Variants in SCGB2B2 observed in about 807,000 individuals in gnomAD.
SCGB2B2 encodes the protein secretoglobin-like protein.
SCGB2B2 carries 11 observed loss-of-function variants against 7.6 expected under a neutral mutation model. The observed-to-expected ratio is 1.45, with a 90% confidence interval of 0.91 to 2.40. The LOEUF is 2.40. SCGB2B2 is among the 30% of genes most tolerant of loss of function. The probability of loss-of-function intolerance (pLI) is 0.00; values close to 1 mark genes in which losing one functional copy is unlikely to be tolerated. For synonymous variants in SCGB2B2, 50 were observed against 48.6 expected (o/e 1.03, Z -0.12); for missense variants, 104 against 115.4 (o/e 0.90, Z 0.45).
rs1451690421 is a variant in SCGB2B2 at position 34,595,767 on chromosome 19, C to T, written c.-1204G>A. The T allele has an allele frequency of 6.6e-6, 1 of 152,278 alleles. No individual in the cohort carries two copies. Among genetic ancestry groups the T allele is most frequent in the Non-Finnish European group, 1.5e-5 (1 of 68,076 alleles). 9.4% of individuals were successfully genotyped at this position (152,278 alleles called of 1,614,324 possible). ...CACTCACGTGATTTTTGTCTCCTGA[C>T]AGGACCCTAAATTGTAAGTGTGACC... On this transcript the variant is annotated 5_prime_UTR_variant, in exon 2 of 4. Coordinates refer to ENST00000601241, the MANE Select transcript of SCGB2B2 (RefSeq NM_001025591.4).
intron 1 of SCGB2B2, among the ~76,000 whole-genome samples, chr19:34,634,053 A>G (rs1023941348): frequency 1.3e-5 from 2 of 152,178 alleles, no homozygotes; most frequent in African/African-American, 4.8e-5. Flanking sequence ...CAGCCTCAGC[A>G]ATCCAGAACA....
chr19:34,611,653 AT>A (rs34569420), intron 1 of SCGB2B2, among the ~76,000 whole-genome samples: 128,098 of 136,946 alleles, frequency 0.94, 60,113 homozygotes, highest in Non-Finnish European at 0.98. Flanking sequence ...AAAATTTACT[AT>A]TTTTTTTTTT....
At chr19:34,618,557 G>GT (rs921749012) in intron 1 of SCGB2B2, among the ~76,000 whole-genome samples, 2 of 151,984 alleles carry the variant, frequency 1.3e-5, no homozygotes, top group African/African-American at 2.4e-5. Context: ...TGAACCTTTA[G>GT]TTTTTTTCCC....
At chr19:34,612,597 T>A (rs1228329788) in intron 1 of SCGB2B2, among the ~76,000 whole-genome samples, 4 of 152,342 alleles carry the variant, frequency 2.6e-5, no homozygotes, top group South Asian at 2.1e-4. Context: ...CATTCTTTTT[T>A]AAATGGTCTT....
intron 1 of SCGB2B2, among the ~76,000 whole-genome samples, chr19:34,606,862 G>A (rs2065795052): frequency 6.6e-6 from 1 of 151,808 alleles, no homozygotes; most frequent in Non-Finnish European, 1.5e-5. Flanking sequence ...TCAGTACTAT[G>A]CATAGGTTCA....
intron 1 of SCGB2B2, among the ~76,000 whole-genome samples, chr19:34,631,849 A>G (rs988746518): frequency 6.6e-6 from 1 of 152,222 alleles, no homozygotes; most frequent in Non-Finnish European, 1.5e-5. Context: ...AAAGAAGTAC[A>G]AAGTTAAAGG....
At chr19:34,642,393 G>GA (rs1331004000) in intron 1 of SCGB2B2, among the ~76,000 whole-genome samples, 1 of 152,038 alleles carries the variant, frequency 6.6e-6, no homozygotes, top group Non-Finnish European at 1.5e-5. Context: ...TGCAGGAACT[G>GA]AAACACCACC....
intron 1 of SCGB2B2, among the ~76,000 whole-genome samples, chr19:34,618,559 T>A (rs2066154361): frequency 6.6e-6 from 1 of 152,182 alleles, no homozygotes; most frequent in African/African-American, 2.4e-5. Context: ...AACCTTTAGT[T>A]TTTTTCCCCC....
chr19:34,660,126 A>G (rs1272693263), intron 1 of SCGB2B2, among the ~76,000 whole-genome samples: 1 of 152,246 alleles, frequency 6.6e-6, no homozygotes, highest in Non-Finnish European at 1.5e-5. Flanking sequence ...CTTATACAAA[A>G]ATTAACTCAA....
chr19:34,621,661 TC>T (rs1282118179), intron 1 of SCGB2B2, among the ~76,000 whole-genome samples: 12 of 152,238 alleles, frequency 7.9e-5, no homozygotes, highest in Non-Finnish European at 1.5e-5. Flanking sequence ...AGCTGAGCAT[TC>T]TTTAAGAATA....
chr19:34,610,175 C>T (rs2065889538), intron 1 of SCGB2B2, among the ~76,000 whole-genome samples: 1 of 152,000 alleles, frequency 6.6e-6, no homozygotes, highest in African/African-American at 2.4e-5. Context: ...TGTGCCTTTA[C>T]TGAATTCCTT....
At chr19:34,660,403 T>A (rs1465723278) in intron 1 of SCGB2B2, among the ~76,000 whole-genome samples, 1 of 151,948 alleles carries the variant, frequency 6.6e-6, no homozygotes, top group African/African-American at 2.4e-5. Context: ...AGGGCTAATA[T>A]CCAGAATCTA....
At chr19:34,644,161 T>A (rs2066923391) in intron 1 of SCGB2B2, among the ~76,000 whole-genome samples, 1 of 152,150 alleles carries the variant, frequency 6.6e-6, no homozygotes, top group Non-Finnish European at 1.5e-5. Context: ...ATCTTCCACT[T>A]CATCTGCAAT....
intron 1 of SCGB2B2, among the ~76,000 whole-genome samples, chr19:34,657,734 C>A (rs992128484): frequency 6.6e-6 from 1 of 152,120 alleles, no homozygotes; most frequent in African/African-American, 2.4e-5. Flanking sequence ...CTCAGCTCTG[C>A]ACCAAGCGGA....
intron 1 of SCGB2B2, among the ~76,000 whole-genome samples, chr19:34,599,028 C>G (rs2065541288): frequency 6.6e-6 from 1 of 152,266 alleles, no homozygotes; most frequent in Non-Finnish European, 1.5e-5. Context: ...TGGCCTGCCC[C>G]CAAATCCTGC....
At position 34,594,517 on chromosome 19, in the gene SCGB2B2, C is replaced by A. The variant is rs2065388657; in HGVS notation, c.47G>T (p.Cys16Phe). Residue 16 changes from cysteine (C) to phenylalanine (F), a missense_variant, in exon 2 of 4, where the codon TGC (cysteine) becomes TTC (phenylalanine). Coordinates refer to ENST00000601241, the MANE Select transcript of SCGB2B2 (RefSeq NM_001025591.4). The part of the protein sequence containing the change: ...ATCALLLALI[C>F]SVQLGDACLD... The stretch of plus-strand genomic sequence containing the variant: ...CTCTTTCTTACCCAGCTGGACGCTG[C>A]AGATCAGAGCCAGCAGAAGAGCACA... 2.5e-6 allele frequency: 4 copies of A among 1,613,578 alleles called. No homozygotes were observed. The highest frequency in any genetic ancestry group is 3.3e-5 in the Admixed American group (2 of 60,004).
chr19:34,666,913 G>A (rs1001120925), intron 1 of SCGB2B2, among the ~76,000 whole-genome samples: 10 of 152,012 alleles, frequency 6.6e-5, no homozygotes, highest in African/African-American at 1.9e-4. Context: ...GCTCGTGACC[G>A]TCATGAACCA....
intron 1 of SCGB2B2, among the ~76,000 whole-genome samples, chr19:34,601,999 T>C (rs1361085601): frequency 3.3e-5 from 5 of 152,190 alleles, no homozygotes; most frequent in African/African-American, 9.6e-5. Context: ...AAAAAGTATT[T>C]CTGGATACCC....
Position 34,609,618 on chromosome 19 carries a change from A to C in SCGB2B2, c.-2031-13024T>G, listed in dbSNP as rs925359479. Among the ~76,000 whole-genome samples the C allele has an allele frequency of 2.0e-5, 3 of 152,172 alleles. No homozygotes were observed. In the East Asian group the frequency reaches 5.8e-4, roughly 29 times the overall value. On this transcript the variant is annotated intron_variant, in intron 1 of 3. Coordinates refer to ENST00000601241, the MANE Select transcript of SCGB2B2 (RefSeq NM_001025591.4). ...TGTTCTTGGCACCTTTGTTGAAATTATGTTGATGGTAAATATGTGGATTTA... is the reference window on the plus strand; with the variant it reads ...TGTTCTTGGCACCTTTGTTGAAATTCTGTTGATGGTAAATATGTGGATTTA...
Sources: allele counts gnomAD v4.1 joint callset (sites outside exome capture counted in the v4.1 genomes callset), GRCh38; gene constraint gnomAD v4.1.1; transcripts MANE v1.5; gene names NCBI Gene and HGNC (gene_info 2026-07-23, HGNC 2026-07-21).